BMPR1B: variants seen among roughly 807,000 people sequenced by gnomAD.
BMPR1B encodes the protein bone morphogenetic protein receptor type-1B.
BMPR1B carries 12 observed loss-of-function variants against 59.1 expected under a neutral mutation model. The observed-to-expected ratio is 0.20, with a 90% CI of 0.13 to 0.33. The LOEUF is 0.33. Among genes scored for constraint, BMPR1B ranks in the 10% least tolerant of loss-of-function variants. The pLI is 1.00. For synonymous variants in BMPR1B, 237 were observed against 207.3 expected, an observed-to-expected ratio of 1.14 and a Z score of -1.23; for missense variants, 550 against 610.9, an observed-to-expected ratio of 0.90 and a Z score of 1.05.
chr4:94,842,030 T>A (rs1725106691), intron 1 of BMPR1B, among the ~76,000 whole-genome samples: 1 of 152,110 alleles, frequency 6.6e-6, no homozygotes. Flanking sequence ...GAGATGCTGA[T>A]GATACACTCA....
chr4:94,884,262 A>C (rs1727087278), intron 2 of BMPR1B, among the ~76,000 whole-genome samples: 1 of 152,306 alleles, frequency 6.6e-6, no homozygotes, highest in South Asian at 2.1e-4. Flanking sequence ...GTGGTGGCTC[A>C]TGCCTGTAAT....
intron 1 of BMPR1B, among the ~76,000 whole-genome samples, chr4:94,768,229 T>C (rs1306519751): frequency 6.6e-6 from 1 of 152,126 alleles, no homozygotes; most frequent in Non-Finnish European, 1.5e-5. Context: ...TTTTAGCTGT[T>C]AAAGTTTATT....
chr4:95,013,213 G>C (rs1305690150), intron 3 of BMPR1B, among the ~76,000 whole-genome samples: 1 of 150,862 alleles, frequency 6.6e-6, no homozygotes, highest in Non-Finnish European at 1.5e-5. Context: ...CTATATATCT[G>C]TCTAATTTGA....
rs1305529087 is a variant in BMPR1B, at chr4:95,120,638, CTTCCTTCCTTCCT to C, written c.350-3157_350-3145del. On this transcript the variant is annotated intron_variant, in intron 6 of 12. Coordinates refer to ENST00000515059, the MANE Select transcript of BMPR1B (RefSeq NM_001203.3). ...CCTTCCTTCCTTCCTTCCTTCCTTC[CTTCCTTCCTTCCT>C]TTCCTTCCTTCCTTCTTCTTTCTTT... is the stretch of plus-strand genomic sequence containing the variant. Among the ~76,000 whole-genome samples, 337 of 148,002 alleles carry C rather than the reference CTTCCTTCCTTCCT, an allele frequency of 2.3e-3. 3 individuals carry two copies. Among genetic ancestry groups the C allele is most frequent in the African/African-American group, 8.2e-3 (326 of 39,940 alleles).
intron 6 of BMPR1B, among the ~76,000 whole-genome samples, chr4:95,120,651 T>TTCC (rs767350006): frequency 0.011 from 379 of 34,192 alleles, no homozygotes; most frequent in Middle Eastern, 0.033. Flanking sequence ...CCTTCCTTCC[T>TTCC]TTCCTTCCTT....
intron 1 of BMPR1B, among the ~76,000 whole-genome samples, chr4:94,839,471 T>C (rs911246466): frequency 6.8e-6 from 1 of 148,074 alleles, no homozygotes; most frequent in African/African-American, 2.5e-5. Context: ...ATATTTAGGA[T>C]AGTTAACTCT....
At position 95,131,261 on chromosome 4, in the gene BMPR1B, G is replaced by A. The variant is rs1733335990; in HGVS notation, c.825G>A (p.Leu275=). Residue 275 remains leucine (L), a synonymous_variant, in exon 10 of 13, where the codon TTG becomes TTA. Transcript: ENST00000515059. ...AAGGGACAGGGTCCTGGACCCAGTT[G>A]TACCTAATCACAGACTATCATGAAA... ...DIKGTGSWTQ[L]YLITDYHENG... The A allele has an allele frequency of 6.2e-7, 1 of 1,613,754 alleles. No homozygotes were observed. The highest frequency in any genetic ancestry group is 1.3e-5 in the African/African-American group (1 of 74,866).
intron 3 of BMPR1B, among the ~76,000 whole-genome samples, chr4:95,017,729 A>G (rs527383379): frequency 2.9e-4 from 44 of 152,190 alleles, no homozygotes; most frequent in African/African-American, 7.9e-4. Context: ...CCATTTTTCA[A>G]TGTGTATACT....
intron 2 of BMPR1B, among the ~76,000 whole-genome samples, chr4:94,908,630 C>T (rs1349027425): frequency 2.0e-5 from 3 of 151,764 alleles, no homozygotes; most frequent in Non-Finnish European, 4.4e-5. Flanking sequence ...CAGCTTCAAT[C>T]CTTTTATTAT....
At chr4:95,035,273 T>C (rs1413444023) in intron 3 of BMPR1B, among the ~76,000 whole-genome samples, 2 of 152,200 alleles carry the variant, frequency 1.3e-5, no homozygotes, top group South Asian at 2.1e-4. Flanking sequence ...GCAGAAGCTT[T>C]TTAGTTTAAT....
At chr4:94,857,676 C>G (rs1299465613) in intron 1 of BMPR1B, among the ~76,000 whole-genome samples, 1 of 152,110 alleles carries the variant, frequency 6.6e-6, no homozygotes, top group Non-Finnish European at 1.5e-5. Flanking sequence ...TGACTTACTT[C>G]CCAGGTCATT....
intron 11 of BMPR1B, 92 bp from the exon 12 acceptor site, chr4:95,152,551 T>C: frequency 8.4e-7 from 1 of 1,184,068 alleles, no homozygotes; most frequent in Non-Finnish European, 1.2e-6. Context: ...GTAATACTGA[T>C]AGCACTTTTC....
Position 95,055,169 on chromosome 4 carries a change from C to T in BMPR1B, c.-17-49239C>T, listed in dbSNP as rs563084966. Among the ~76,000 whole-genome samples the T allele has an allele frequency of 8.5e-5, 13 of 152,194 alleles. No homozygotes were observed. The South Asian group carries it at 2.7e-3, about 32-fold the overall frequency. On this transcript the variant is annotated intron_variant, in intron 3 of 12. Transcript: ENST00000515059. The stretch of plus-strand genomic sequence containing the variant: ...CCATGGTCTGTACAGTTTTATATAA[C>T]CTGGATTTTATGTACCACCTCTCCG...
intron 3 of BMPR1B, among the ~76,000 whole-genome samples, chr4:95,036,712 T>C (rs1725271293): frequency 6.6e-6 from 1 of 151,672 alleles, no homozygotes; most frequent in South Asian, 2.1e-4. Context: ...TCCTTTTTTT[T>C]TTTTTTTTTT....
In BMPR1B at chr4:94,900,649, T is replaced by A. The variant is rs1024684734; in HGVS notation, c.-113+24749T>A. Among the ~76,000 whole-genome samples, 8 of 152,118 alleles carry A rather than the reference T, an allele frequency of 5.3e-5. No homozygotes were observed. The East Asian group carries it at 1.4e-3, about 26-fold the overall frequency. ...ATATATATGTTATTTGAGGCAGAAG[T>A]TGGGACAGCATAGAAGCTGTCTGTA... On this transcript the variant is annotated intron_variant, in intron 2 of 12. Coordinates refer to ENST00000515059, the MANE Select transcript of BMPR1B (RefSeq NM_001203.3).
At chr4:94,870,999 C>T (rs368936472) in intron 1 of BMPR1B, among the ~76,000 whole-genome samples, 67 of 150,406 alleles carry the variant, frequency 4.5e-4, no homozygotes, top group Non-Finnish European at 8.6e-4. Flanking sequence ...ATTTTTTTGG[C>T]GGGGGGGCGG....
At chr4:95,046,024 T>C (rs939049779) in intron 3 of BMPR1B, among the ~76,000 whole-genome samples, 2 of 152,194 alleles carry the variant, frequency 1.3e-5, no homozygotes, top group Admixed American at 1.3e-4. Context: ...ATTTAATGAA[T>C]TAAATGAAAA....
At chr4:94,859,952 T>C (rs900782259) in intron 1 of BMPR1B, among the ~76,000 whole-genome samples, 32 of 152,164 alleles carry the variant, frequency 2.1e-4, no homozygotes, top group Admixed American at 8.5e-4. Flanking sequence ...TGATTTGCAT[T>C]GTGATCAGCA....
chr4:95,015,748 A>G (rs917438630), intron 3 of BMPR1B, among the ~76,000 whole-genome samples: 1 of 150,630 alleles, frequency 6.6e-6, no homozygotes, highest in African/African-American at 2.5e-5. Context: ...ACTGGAGTGC[A>G]GTGGCACGGT....
Sources: allele counts gnomAD v4.1 joint callset (sites outside exome capture counted in the v4.1 genomes callset), GRCh38; gene constraint gnomAD v4.1.1; transcripts MANE v1.5; gene names NCBI Gene and HGNC (gene_info 2026-07-23, HGNC 2026-07-21).